RGS7: variants seen among roughly 807,000 people sequenced by gnomAD.
RGS7 encodes regulator of G-protein signaling 7.
RGS7 carries 27 observed loss-of-function variants against 81.1 expected under a neutral mutation model. The ratio of observed to expected loss-of-function variants is 0.33; its 90% CI spans 0.25 to 0.46. RGS7 has a LOEUF of 0.46. Among genes scored for constraint, RGS7 ranks in the 20% least tolerant of loss-of-function variants. RGS7 has a pLI of 1.00. For synonymous variants in RGS7, 208 were observed against 207.7 expected (o/e 1.00, Z -0.01); for missense variants, 396 against 607.4 (o/e 0.65, Z 3.66).
In RGS7 at chr1:240,889,644, G is replaced by T. The variant is rs1667960565; in HGVS notation, c.386-19525C>A. Among the ~76,000 whole-genome samples the T allele has an allele frequency of 3.9e-5, 6 of 152,174 alleles. No homozygotes were observed. In the South Asian group the frequency reaches 1.0e-3, roughly 26 times the overall value. On this transcript the variant is annotated intron_variant, in intron 6 of 18. Transcript: ENST00000440928. ...CTTTTAAATAACAATAATAATCGTGGTAATGATACAATAGGAAAACAACAC... is the reference window on the plus strand; with the variant it reads ...CTTTTAAATAACAATAATAATCGTGTTAATGATACAATAGGAAAACAACAC...
chr1:241,114,758 T>TA (rs1274732420), intron 2 of RGS7, among the ~76,000 whole-genome samples: 1 of 152,170 alleles, frequency 6.6e-6, no homozygotes, highest in African/African-American at 2.4e-5. Context: ...CCTAAAAGAA[T>TA]ATGATTATGG....
intron 2 of RGS7, among the ~76,000 whole-genome samples, chr1:241,128,571 C>A (rs1247571303): frequency 6.6e-6 from 1 of 151,628 alleles, no homozygotes; most frequent in South Asian, 2.1e-4. Flanking sequence ...GGTAAAAGAA[C>A]GAGACTCCGT....
intron 18 of RGS7, among the ~76,000 whole-genome samples, chr1:240,798,332 A>C: frequency 6.6e-6 from 1 of 152,180 alleles, no homozygotes; most frequent in East Asian, 1.9e-4. Flanking sequence ...GGCTAGCAAA[A>C]TATTTTTGTC....
At chr1:241,173,534 T>G (rs970722920) in intron 2 of RGS7, among the ~76,000 whole-genome samples, 2 of 152,132 alleles carry the variant, frequency 1.3e-5, no homozygotes, top group Non-Finnish European at 2.9e-5. Flanking sequence ...CCTGTAATCC[T>G]ACAATTTTGG....
At chr1:240,934,611 A>G (rs911870485) in intron 5 of RGS7, among the ~76,000 whole-genome samples, 1 of 152,134 alleles carries the variant, frequency 6.6e-6, no homozygotes, top group African/African-American at 2.4e-5. Flanking sequence ...TTATATTTAG[A>G]TACTATTTCA....
chr1:241,085,526 G>A (rs2063383696), intron 3 of RGS7, among the ~76,000 whole-genome samples: 1 of 152,148 alleles, frequency 6.6e-6, no homozygotes, highest in African/African-American at 2.4e-5. Flanking sequence ...CCAGGGTCAA[G>A]CAATTCTCCT....
chr1:241,107,047 C>G (rs1168621884), intron 2 of RGS7, among the ~76,000 whole-genome samples: 2 of 152,112 alleles, frequency 1.3e-5, no homozygotes, highest in Admixed American at 1.3e-4. Context: ...TTGTCATGAA[C>G]AAAGAAATGT....
chr1:240,866,181 G>A (rs1663195781), intron 9 of RGS7, among the ~76,000 whole-genome samples: 1 of 152,202 alleles, frequency 6.6e-6, no homozygotes, highest in Non-Finnish European at 1.5e-5. Flanking sequence ...ATTCTCAGAG[G>A]CTCATGACAA....
intron 17 of RGS7, 74 bp downstream of exon 17, chr1:240,801,381 G>T: frequency 1.1e-6 from 1 of 942,940 alleles, no homozygotes; most frequent in Admixed American, 1.9e-5. Context: ...GTGGGTAACA[G>T]GGCTAGAAAT....
chr1:240,874,687 A>C (rs904763717), intron 6 of RGS7, among the ~76,000 whole-genome samples: 1 of 152,148 alleles, frequency 6.6e-6, no homozygotes, highest in East Asian at 1.9e-4. Flanking sequence ...TGACTAAATC[A>C]AGCTAATTAA....
intron 3 of RGS7, among the ~76,000 whole-genome samples, chr1:241,075,884 T>C (rs1488681076): frequency 6.6e-6 from 1 of 152,196 alleles, no homozygotes; most frequent in Non-Finnish European, 1.5e-5. Context: ...ACCAGGTGCT[T>C]TACATCAAGT....
At chr1:241,331,546 T>C (rs1279658816) in intron 2 of RGS7, among the ~76,000 whole-genome samples, 2 of 152,212 alleles carry the variant, frequency 1.3e-5, no homozygotes, top group Non-Finnish European at 2.9e-5. Context: ...ATTATATTAT[T>C]ATTATTACTT....
chr1:241,222,953 C>T (rs1172281744), intron 2 of RGS7, among the ~76,000 whole-genome samples: 3 of 151,982 alleles, frequency 2.0e-5, no homozygotes, highest in Non-Finnish European at 4.4e-5. Context: ...CTGAGAATGA[C>T]GGTTTCCAGC....
chr1:240,923,716 A>G, intron 6 of RGS7, among the ~76,000 whole-genome samples: 1 of 151,432 alleles, frequency 6.6e-6, no homozygotes, highest in East Asian at 1.9e-4. Flanking sequence ...TCCAGATGAA[A>G]AAAAAAAAAC....
At chr1:241,083,079 G>T (rs897528199) in intron 3 of RGS7, among the ~76,000 whole-genome samples, 1 of 151,914 alleles carries the variant, frequency 6.6e-6, no homozygotes, top group Non-Finnish European at 1.5e-5. Context: ...ACAAAAATTA[G>T]TCAGGTGTGG....
intron 2 of RGS7, among the ~76,000 whole-genome samples, chr1:241,236,164 AC>A (rs1491199131): frequency 8.7e-6 from 1 of 114,296 alleles, no homozygotes; most frequent in African/African-American, 3.2e-5. Flanking sequence ...GCAAATGACG[AC>A]CTCCGCCCCC....
intron 2 of RGS7, among the ~76,000 whole-genome samples, chr1:241,221,029 G>A (rs1469043812): frequency 1.1e-4 from 11 of 99,420 alleles, no homozygotes; most frequent in Non-Finnish European, 1.9e-4. Flanking sequence ...AAGGAAGGAA[G>A]GAAGGAAGGA....
chr1:241,051,745 C>G (rs1653069277), intron 3 of RGS7, among the ~76,000 whole-genome samples: 1 of 152,190 alleles, frequency 6.6e-6, no homozygotes, highest in Non-Finnish European at 1.5e-5. Context: ...CTTGCATCAA[C>G]AGATAACGGC....
At chr1:240,983,022 A>C in intron 4 of RGS7, 57 bp downstream of exon 4, 1 of 975,854 alleles carries the variant, frequency 1.0e-6, no homozygotes, top group Admixed American at 1.8e-5. Context: ...CTGATGAAAC[A>C]TATTTCTTAA....
Sources: gnomAD v4.1 joint callset for allele counts (sites outside exome capture counted in the v4.1 genomes callset) on GRCh38, gnomAD v4.1.1 for gene constraint, MANE v1.5 for transcripts, NCBI Gene and HGNC (gene_info 2026-07-23, HGNC 2026-07-21) for gene names.